ADAMTSL1: variants seen among roughly 807,000 people sequenced by gnomAD.
ADAMTSL1 encodes the protein ADAMTS like 1, also known as ADAMTS-like protein 1.
A neutral mutation model predicts 201.8 loss-of-function variants in ADAMTSL1; 126 were observed. That is an observed-to-expected ratio of 0.62 (90% CI 0.54 to 0.72). ADAMTSL1 has a LOEUF of 0.72. Among genes scored for constraint, ADAMTSL1 ranks in the 30% least tolerant of loss-of-function variants. ADAMTSL1 has a pLI of 0.00. For synonymous variants in ADAMTSL1, 1,121 were observed against 903.4 expected (o/e 1.24, Z -4.32); for missense variants, 2,679 against 2,277.8 (o/e 1.18, Z -3.59).
At chr9:18,222,393 T>C (rs763699684) in intron 2 of ADAMTSL1, among the ~76,000 whole-genome samples, 1 of 151,806 alleles carries the variant, frequency 6.6e-6, no homozygotes, top group African/African-American at 2.4e-5. Context: ...TTCTAGTTTC[T>C]ATTCATTTTG....
At chr9:18,248,823 T>G (rs1399859840) in intron 2 of ADAMTSL1, among the ~76,000 whole-genome samples, 1 of 152,158 alleles carries the variant, frequency 6.6e-6, no homozygotes, top group African/African-American at 2.4e-5. Flanking sequence ...GAAAACAAGA[T>G]AGGATTAGGC....
chr9:18,472,917 T>G (rs1346733024), upstream of ADAMTSL1, among the ~76,000 whole-genome samples: 3 of 152,238 alleles, frequency 2.0e-5, no homozygotes. Flanking sequence ...CATCCTTGTT[T>G]GACATTTGAC....
At chr9:18,052,325 A>C (rs1821975205) in intron 1 of ADAMTSL1, among the ~76,000 whole-genome samples, 1 of 152,234 alleles carries the variant, frequency 6.6e-6, no homozygotes, top group Admixed American at 6.5e-5. Flanking sequence ...CTACTAAGCT[A>C]GTGAAAACAG....
At chr9:18,599,966 C>T (rs993045949) in intron 4 of ADAMTSL1, among the ~76,000 whole-genome samples, 2 of 114,762 alleles carry the variant, frequency 1.7e-5, no homozygotes, top group African/African-American at 6.7e-5. Context: ...TCCTGGCTAA[C>T]ATGGTGAAAC....
intron 10 of ADAMTSL1, among the ~76,000 whole-genome samples, 172 bp from the exon 11 acceptor site, chr9:18,680,140 C>T (rs908216853): frequency 6.6e-6 from 1 of 152,168 alleles, no homozygotes; most frequent in African/African-American, 2.4e-5. Flanking sequence ...AATGTTGAAT[C>T]CTTCTCTCTT....
intron 14 of ADAMTSL1, among the ~76,000 whole-genome samples, chr9:18,711,643 A>C (rs904544538): frequency 2.1e-4 from 32 of 152,228 alleles, no homozygotes; most frequent in Non-Finnish European, 4.1e-4. Context: ...CTGAGATCAA[A>C]CTGCAAGGTG....
chr9:18,864,494 A>C (rs553232302), intron 23 of ADAMTSL1, among the ~76,000 whole-genome samples: 1 of 152,340 alleles, frequency 6.6e-6, no homozygotes, highest in African/African-American at 2.4e-5. Flanking sequence ...GAATCAACAA[A>C]AAATCCACTA....
intron 2 of ADAMTSL1, among the ~76,000 whole-genome samples, chr9:18,261,440 C>A (rs1831919333): frequency 6.6e-6 from 1 of 152,134 alleles, no homozygotes; most frequent in Non-Finnish European, 1.5e-5. Flanking sequence ...TTCCTGAAAT[C>A]CCTCAGGAAG....
chr9:18,684,745 T>A lies in ADAMTSL1; in HGVS notation c.1519T>A (p.Trp507Arg). 6.2e-7 allele frequency: 1 copy of A among 1,613,254 alleles called. No individual in the cohort carries two copies. The highest frequency in any genetic ancestry group is 8.5e-7 in the Non-Finnish European group (1 of 1,179,748). ...EKLPVEAKLP[W>R]FKQAQELEEG... is the part of the protein sequence containing the mutation. The stretch of plus-strand genomic sequence containing the variant: ...ACTTCCAGTCGAGGCCAAGTTGCCA[T>A]GGTTCAAACAAGCTCAAGAGCTAGA... The change falls in exon 13 of 29, where the codon TGG becomes AGG. Residue 507 changes from tryptophan (W) to arginine (R), a missense_variant. By Grantham distance (101) the Trp-to-Arg change is moderately radical. Transcript: ENST00000380548.
intron 2 of ADAMTSL1, among the ~76,000 whole-genome samples, chr9:18,298,827 C>T (rs901611079): frequency 6.6e-6 from 1 of 151,602 alleles, no homozygotes; most frequent in Non-Finnish European, 1.5e-5. Flanking sequence ...ATCGAGACCA[C>T]GGTGAAACCC....
intron 2 of ADAMTSL1, among the ~76,000 whole-genome samples, chr9:18,289,100 C>G (rs1187052371): frequency 6.6e-6 from 1 of 151,954 alleles, no homozygotes; most frequent in Non-Finnish European, 1.5e-5. Context: ...AAGATATATA[C>G]CTAATACATA....
At chr9:18,474,000 A>G (rs1821324326), upstream of ADAMTSL1, 1 of 476,586 alleles carries the variant, frequency 2.1e-6, no homozygotes, top group Non-Finnish European at 3.7e-6. Context: ...GTTATTCAGC[A>G]TGTCTGATTA....
At chr9:18,832,917 G>C (rs1292143754) in intron 23 of ADAMTSL1, among the ~76,000 whole-genome samples, 1 of 152,216 alleles carries the variant, frequency 6.6e-6, no homozygotes, top group Non-Finnish European at 1.5e-5. Flanking sequence ...TTTCCCAGCA[G>C]TAAGGGGGGA....
intron 3 of ADAMTSL1, among the ~76,000 whole-genome samples, chr9:18,548,181 T>C (rs1006198338): frequency 2.0e-5 from 3 of 152,042 alleles, no homozygotes; most frequent in Admixed American, 6.6e-5. Flanking sequence ...TGGTCATTCA[T>C]GGGCATGTGA....
chr9:18,458,289 C>T (rs1820682238), intron 2 of ADAMTSL1, among the ~76,000 whole-genome samples: 1 of 152,176 alleles, frequency 6.6e-6, no homozygotes, highest in African/African-American at 2.4e-5. Context: ...CACATACACA[C>T]ACACCTGAAA....
At chr9:18,891,337 G>T (rs3866508) in intron 25 of ADAMTSL1, among the ~76,000 whole-genome samples, 1 of 152,024 alleles carries the variant, frequency 6.6e-6, no homozygotes, top group Non-Finnish European at 1.5e-5. Flanking sequence ...TTTTTTAACC[G>T]TTTTGTTAGA....
intron 2 of ADAMTSL1, among the ~76,000 whole-genome samples, chr9:18,164,546 C>T (rs573492275): frequency 1.3e-5 from 2 of 151,648 alleles, no homozygotes; most frequent in South Asian, 2.1e-4. Flanking sequence ...TCTCTGCTTG[C>T]GAATCAAACT....
At chr9:18,724,366 T>A (rs1817739362) in intron 15 of ADAMTSL1, among the ~76,000 whole-genome samples, 1 of 152,224 alleles carries the variant, frequency 6.6e-6, no homozygotes, top group Non-Finnish European at 1.5e-5. Flanking sequence ...AAGATTAAAC[T>A]TGGCTTCTCT....
chr9:18,679,238 A>G (rs1830304377), intron 10 of ADAMTSL1, among the ~76,000 whole-genome samples: 2 of 152,186 alleles, frequency 1.3e-5, no homozygotes, highest in South Asian at 2.1e-4. Flanking sequence ...AACTATTCAA[A>G]TGGATCAACC....
Sources: allele counts gnomAD v4.1 joint callset (sites outside exome capture counted in the v4.1 genomes callset), GRCh38; gene constraint gnomAD v4.1.1; transcripts MANE v1.5; gene names NCBI Gene and HGNC (gene_info 2026-07-23, HGNC 2026-07-21).